Variants in CLVS1 observed in about 807,000 individuals in gnomAD.
The protein encoded by CLVS1 is clavesin 1.
A neutral mutation model predicts 33.1 loss-of-function variants in CLVS1; 10 were observed. The ratio of observed to expected loss-of-function variants is 0.30; its 90% confidence interval spans 0.19 to 0.51. The LOEUF (loss-of-function observed/expected upper bound fraction) is 0.51, where lower values mean the gene tolerates loss of function less well. CLVS1 is among the 20% of genes least tolerant of loss of function. The pLI is 0.97. For missense variants in CLVS1, 343 were observed against 433.4 expected (o/e 0.79, Z 1.85); for synonymous variants, 163 against 166.1 (o/e 0.98, Z 0.14).
At chr8:61,135,090 G>A (rs910254074) in intron 2 of CLVS1, among the ~76,000 whole-genome samples, 1 of 151,646 alleles carries the variant, frequency 6.6e-6, no homozygotes, top group Non-Finnish European at 1.5e-5. Flanking sequence ...AAAAGGAGAT[G>A]GAAACAGGAA....
intron 2 of CLVS1, among the ~76,000 whole-genome samples, chr8:61,350,224 C>T (rs1812395799): frequency 6.6e-6 from 1 of 152,130 alleles, no homozygotes; most frequent in South Asian, 2.1e-4. Context: ...TGTCCTATAC[C>T]AAATAATAAA....
intron 1 of CLVS1, among the ~76,000 whole-genome samples, chr8:61,077,809 T>A (rs1037274488): frequency 5.9e-5 from 9 of 152,084 alleles, no homozygotes; most frequent in African/African-American, 1.9e-4. Context: ...GGGCTGCCCA[T>A]GAGTGGGCCC....
the CLVS1 span, among the ~76,000 whole-genome samples, chr8:60,984,381 C>T: frequency 3.4e-5 from 5 of 148,452 alleles, no homozygotes; most frequent in Admixed American, 1.4e-4. Flanking sequence ...AGTGCAATGG[C>T]GGGATCTCAG....
At chr8:61,076,285 T>C (rs552279510) in intron 1 of CLVS1, among the ~76,000 whole-genome samples, 101 of 152,338 alleles carry the variant, frequency 6.6e-4, no homozygotes, top group African/African-American at 2.3e-3. Flanking sequence ...TATGATTATG[T>C]TTATTTTTCA....
rs1284538449 is a variant in CLVS1, at chr8:61,124,641, G to C, written c.-242-7129G>C. 1.3e-5 allele frequency among the ~76,000 whole-genome samples: 2 copies of C among 152,184 alleles called. 1 individual carries two copies. The highest frequency in any genetic ancestry group is 2.9e-5 in the Non-Finnish European group (2 of 68,030). ...GTACTTACTGGCTTGTAACCTTGCAGAAGTCACTTATGGCTGATGAGCCTC... is the reference window on the plus strand; with the variant it reads ...GTACTTACTGGCTTGTAACCTTGCACAAGTCACTTATGGCTGATGAGCCTC... On this transcript the variant is annotated intron_variant, in intron 1 of 2. Transcript: ENST00000522621.
At chr8:61,177,136 T>C (rs1807128741) in intron 2 of CLVS1, among the ~76,000 whole-genome samples, 1 of 152,132 alleles carries the variant, frequency 6.6e-6, no homozygotes, top group Non-Finnish European at 1.5e-5. Flanking sequence ...AGGCAACACT[T>C]TTCCCCTGCT....
chr8:61,357,845 C>A (rs1389709963), intron 2 of CLVS1, among the ~76,000 whole-genome samples: 1 of 152,046 alleles, frequency 6.6e-6, no homozygotes, highest in South Asian at 2.1e-4. Context: ...GTGTGAGCCA[C>A]CAAGCCTGGC....
intron 2 of CLVS1, among the ~76,000 whole-genome samples, chr8:61,237,831 G>C (rs142421913): frequency 7.2e-4 from 109 of 150,858 alleles, no homozygotes; most frequent in Admixed American, 1.7e-3. Context: ...ATCCACGGGG[G>C]TTCAGAGACA....
At chr8:61,311,092 T>C (rs1810814987) in intron 2 of CLVS1, among the ~76,000 whole-genome samples, 1 of 152,172 alleles carries the variant, frequency 6.6e-6, no homozygotes, top group African/African-American at 2.4e-5. Flanking sequence ...TTTGACCTAA[T>C]CCAGAGCCTA....
the CLVS1 span, among the ~76,000 whole-genome samples, chr8:60,980,614 C>T: frequency 1.3e-5 from 2 of 152,112 alleles, no homozygotes; most frequent in African/African-American, 4.8e-5. Context: ...GGTGAAACCT[C>T]GCCTCCACTA....
At chr8:61,226,312 T>C (rs553880768) in intron 2 of CLVS1, among the ~76,000 whole-genome samples, 3 of 152,244 alleles carry the variant, frequency 2.0e-5, no homozygotes, top group Non-Finnish European at 4.4e-5. Context: ...ATAATAAATG[T>C]CACTTTTTAA....
At chr8:61,453,864 T>C (rs1185061556) in intron 3 of CLVS1, among the ~76,000 whole-genome samples, 2 of 152,082 alleles carry the variant, frequency 1.3e-5, no homozygotes, top group East Asian at 1.9e-4. Context: ...CTGTGCCAAG[T>C]AGAAGGTCAT....
chr8:61,439,911 T>G (rs1419742868), intron 3 of CLVS1, among the ~76,000 whole-genome samples: 1 of 152,196 alleles, frequency 6.6e-6, no homozygotes, highest in Non-Finnish European at 1.5e-5. Context: ...GTCAAATATA[T>G]TTCTTCACCA....
chr8:61,341,224 T>A (rs1454704271), intron 2 of CLVS1, among the ~76,000 whole-genome samples: 2 of 152,222 alleles, frequency 1.3e-5, no homozygotes, highest in Non-Finnish European at 2.9e-5. Flanking sequence ...GTTTCACATG[T>A]TGGTAAGTCC....
At chr8:61,442,177 T>C (rs1816576259) in intron 3 of CLVS1, among the ~76,000 whole-genome samples, 1 of 152,200 alleles carries the variant, frequency 6.6e-6, no homozygotes, top group Non-Finnish European at 1.5e-5. Context: ...AATAATGTCA[T>C]ATAAATGGAA....
intron 5 of CLVS1, among the ~76,000 whole-genome samples, chr8:61,482,889 C>A (rs1309196475): frequency 1.3e-5 from 2 of 152,116 alleles, no homozygotes; most frequent in Non-Finnish European, 2.9e-5. Flanking sequence ...TTCTTTGAAA[C>A]CAATGAGAAC....
chr8:61,121,033 G>A (rs1290576292), intron 1 of CLVS1, among the ~76,000 whole-genome samples: 1 of 151,262 alleles, frequency 6.6e-6, no homozygotes, highest in Non-Finnish European at 1.5e-5. Context: ...AGACTCCGTG[G>A]GCGTAGGACC....
the CLVS1 span, among the ~76,000 whole-genome samples, chr8:60,969,181 T>C: frequency 1.3e-5 from 2 of 152,188 alleles, no homozygotes; most frequent in African/African-American, 4.8e-5. Context: ...AGAAAGTTAC[T>C]GAAATAAGGC....
intron 2 of CLVS1, among the ~76,000 whole-genome samples, chr8:61,356,360 A>G (rs1401809798): frequency 1.3e-5 from 2 of 151,992 alleles, no homozygotes; most frequent in Non-Finnish European, 2.9e-5. Context: ...CCCATTTTGT[A>G]GGTTGCCTGT....
Sources: allele counts gnomAD v4.1 joint callset (sites outside exome capture counted in the v4.1 genomes callset), GRCh38; gene constraint gnomAD v4.1.1; transcripts MANE v1.5; gene names NCBI Gene and HGNC (gene_info 2026-07-23, HGNC 2026-07-21).